DYM: variants seen among roughly 807,000 people sequenced by gnomAD.
DYM encodes the protein dyggve-Melchior-Clausen syndrome protein.
A neutral mutation model predicts 93.1 loss-of-function variants in DYM; 78 were observed. The ratio of observed to expected loss-of-function variants is 0.84; its 90% CI spans 0.70 to 1.01. DYM has a LOEUF of 1.01. DYM is among the 50% of genes least tolerant of loss of function. DYM has a pLI of 0.00. For missense variants in DYM, 789 were observed against 845.0 expected, an observed-to-expected ratio of 0.93 and a Z score of 0.82; for synonymous variants, 321 against 319.7, an observed-to-expected ratio of 1.00 and a Z score of -0.04.
At chr18:49,201,728 T>C (rs1231371951) in intron 14 of DYM, among the ~76,000 whole-genome samples, 1 of 152,246 alleles carries the variant, frequency 6.6e-6, no homozygotes, top group Non-Finnish European at 1.5e-5. Flanking sequence ...GGACTTGAGT[T>C]TTCCATGCCT....
intron 6 of DYM, among the ~76,000 whole-genome samples, chr18:49,340,019 C>T (rs1180217409): frequency 6.6e-6 from 1 of 152,098 alleles, no homozygotes; most frequent in Non-Finnish European, 1.5e-5. Flanking sequence ...GGCGCCATCT[C>T]GGCTCACTGC....
At chr18:49,418,203 G>GATA (rs1298975733) in intron 2 of DYM, 1 of 152,006 alleles carries the variant, frequency 6.6e-6, no homozygotes, top group Admixed American at 6.6e-5. Context: ...AGTTCTCAAT[G>GATA]ATAAGCATGA....
chr18:49,066,924 A>G (rs1036865214), intron 17 of DYM, among the ~76,000 whole-genome samples: 7 of 152,194 alleles, frequency 4.6e-5, no homozygotes, highest in Non-Finnish European at 5.9e-5. Flanking sequence ...GTGTGTGTCT[A>G]TTGTATACAG....
intron 14 of DYM, among the ~76,000 whole-genome samples, chr18:49,189,262 A>C (rs557804591): frequency 2.6e-5 from 4 of 152,302 alleles, no homozygotes; most frequent in African/African-American, 2.4e-5. Flanking sequence ...AGCATCATGC[A>C]ATATATCCTT....
intron 2 of DYM, among the ~76,000 whole-genome samples, chr18:49,408,914 G>A (rs908580210): frequency 1.3e-5 from 2 of 152,076 alleles, no homozygotes; most frequent in African/African-American, 4.8e-5. Context: ...CATAACAAAC[G>A]GCTCTGGCCT....
Position 49,107,304 on chromosome 18 carries a change from C to T in DYM, c.1912-9789G>A, listed in dbSNP as rs988725871. ...GCATTGGTTATTCTAGTTAGCCATT[C>T]GTCTAATTTTTTTTCACGATTTTTA... is the stretch of plus-strand genomic sequence containing the variant. On this transcript the variant is annotated intron_variant, in intron 16 of 17. Coordinates refer to ENST00000675505, the MANE Select transcript of DYM (RefSeq NM_001353214.3). Among the ~76,000 whole-genome samples, 98 of 152,088 alleles carry T rather than the reference C, an allele frequency of 6.4e-4. 2 individuals are homozygous for T. The highest frequency in any genetic ancestry group is 2.9e-4 in the African/African-American group (12 of 41,408).
chr18:49,188,631 T>C (rs535996704), intron 14 of DYM, among the ~76,000 whole-genome samples: 8 of 152,048 alleles, frequency 5.3e-5, no homozygotes, highest in South Asian at 4.2e-4. Context: ...TAGGTGGGAA[T>C]TGAACAATGA....
At chr18:49,106,316 G>A (rs2080800999) in intron 16 of DYM, among the ~76,000 whole-genome samples, 1 of 152,108 alleles carries the variant, frequency 6.6e-6, no homozygotes, top group South Asian at 2.1e-4. Flanking sequence ...TGTGAGATGG[G>A]TTTCCTGAAC....
chr18:49,184,462 C>T (rs1334300856), intron 14 of DYM, among the ~76,000 whole-genome samples: 3 of 152,174 alleles, frequency 2.0e-5, no homozygotes, highest in Non-Finnish European at 4.4e-5. Flanking sequence ...TATTCCATCA[C>T]AGAGTCAGAG....
At chr18:49,184,377 A>G (rs576344252) in intron 14 of DYM, among the ~76,000 whole-genome samples, 21 of 152,210 alleles carry the variant, frequency 1.4e-4, no homozygotes, top group African/African-American at 4.8e-4. Flanking sequence ...GTTCTCTTAC[A>G]AGCAAACTAA....
intron 13 of DYM, among the ~76,000 whole-genome samples, chr18:49,222,013 T>C (rs9962749): frequency 6.6e-6 from 1 of 151,484 alleles, no homozygotes; most frequent in African/African-American, 2.4e-5. Flanking sequence ...AAAAAGAAAC[T>C]AGACAAAGTA....
chr18:49,358,551 C>A (rs375285039), intron 6 of DYM, among the ~76,000 whole-genome samples: 1 of 152,020 alleles, frequency 6.6e-6, no homozygotes, highest in African/African-American at 2.4e-5. Context: ...CTATACCTTA[C>A]GAAAAAAACT....
intron 2 of DYM, among the ~76,000 whole-genome samples, chr18:49,392,681 TAAAAAAAAA>T (rs869086187): frequency 0.01 from 695 of 68,502 alleles, 2 homozygotes; most frequent in Middle Eastern, 0.033. Flanking sequence ...GGCTTTTATT[TAAAAAAAAA>T]AAAAAAAAAA....
intron 17 of DYM, among the ~76,000 whole-genome samples, chr18:49,067,247 C>T (rs58316710): frequency 6.6e-3 from 43 of 6,530 alleles, no homozygotes; most frequent in South Asian, 0.012. Context: ...AGTGGGGTGA[C>T]ATGTTATGGA....
chr18:49,122,832 C>T (rs965254806), intron 15 of DYM, among the ~76,000 whole-genome samples: 3 of 152,134 alleles, frequency 2.0e-5, no homozygotes, highest in African/African-American at 4.8e-5. Context: ...TCAGTATATT[C>T]GGAGTGCATT....
intron 15 of DYM, among the ~76,000 whole-genome samples, chr18:49,141,991 CT>C (rs2084551660): frequency 6.6e-6 from 1 of 151,594 alleles, no homozygotes; most frequent in East Asian, 1.9e-4. Context: ...GTAGCTGGGA[CT>C]ACAGGCGCCC....
chr18:49,209,672 T>A lies in DYM; in HGVS notation c.1504A>T (p.Lys502Ter). The A allele has an allele frequency of 9.3e-6, 12 of 1,289,138 alleles. No individual in the cohort carries two copies. Among genetic ancestry groups the A allele is most frequent in the Non-Finnish European group, 1.2e-5 (12 of 988,522 alleles). The allele number at this position is 1,289,138 out of a possible 1,614,324, so 79.9% of individuals were successfully genotyped here. A position where few individuals can be genotyped will look rare whatever the true frequency, so the allele number is the denominator to read the frequency against. Residue 502 changes from lysine to a stop codon, truncating the protein, a stop_gained, in exon 14 of 18, where the codon AAA (lysine) becomes TAA (stop). Transcript: ENST00000675505. LOFTEE classifies it high-confidence loss of function. The stretch of plus-strand genomic sequence containing the variant: ...CAGTGAGAGTGGGGGAAATACAGTT[T>A]GTCCAACACATAAACATATCTCCGC... The part of the protein sequence containing the change: ...HLRRYVYVLD[K>*]LYFPHSHCST...
chr18:49,420,165 G>GT lies in DYM; in HGVS notation c.140+10089dup, dbSNP rs58141815. On this transcript the variant is annotated intron_variant, in intron 2 of 17. Transcript: ENST00000675505. ...TTAATTATAAACTAAGTTAAAATTCGTTTTTTTTTTTTTTTTTTTGAGATG... is the reference window on the plus strand; with the variant it reads ...TTAATTATAAACTAAGTTAAAATTCGTTTTTTTTTTTTTTTTTTTTGAGATG... 8.2e-3 allele frequency among the ~76,000 whole-genome samples: 889 copies of GT among 108,964 alleles called. 16 individuals are homozygous for GT. The highest frequency in any genetic ancestry group is 0.051 in the East Asian group (207 of 4,038). 71.5% of individuals were successfully genotyped at this position (108,964 alleles called of 152,430 possible). A position where few individuals can be genotyped will look rare whatever the true frequency, so the allele number is the denominator to read the frequency against.
chr18:49,288,805 A>G (rs1013262714), intron 8 of DYM, among the ~76,000 whole-genome samples: 9 of 152,060 alleles, frequency 5.9e-5, no homozygotes, highest in African/African-American at 2.2e-4. Flanking sequence ...ACAAAACAAA[A>G]ACAAAAAAAA....
Sources: gnomAD v4.1 joint callset for allele counts (sites outside exome capture counted in the v4.1 genomes callset) on GRCh38, gnomAD v4.1.1 for gene constraint, MANE v1.5 for transcripts, NCBI Gene and HGNC (gene_info 2026-07-23, HGNC 2026-07-21) for gene names.